The following NUDCD1 variants were observed in gnomAD, a reference collection of about 807,000 sequenced individuals.
NUDCD1 encodes the protein NudC domain containing 1.
In NUDCD1, 60 loss-of-function variants were observed where a neutral mutation model predicts 67.8. That is an observed-to-expected ratio of 0.88 (90% confidence interval 0.72 to 1.10). The LOEUF is 1.10. Among genes scored for constraint, NUDCD1 ranks in the 50% least tolerant of loss-of-function variants. The pLI, the probability that NUDCD1 is intolerant of heterozygous loss-of-function variation, is 0.00. For missense variants in NUDCD1, 643 were observed against 695.0 expected, an observed-to-expected ratio of 0.93 and a Z score of 0.84; for synonymous variants, 244 against 230.8, an observed-to-expected ratio of 1.06 and a Z score of -0.52.
At chr8:109,272,005 A>G (rs1352518034) in intron 7 of NUDCD1, among the ~76,000 whole-genome samples, 1 of 151,516 alleles carries the variant, frequency 6.6e-6, no homozygotes, top group African/African-American at 2.4e-5. Flanking sequence ...AAGCTGAGAG[A>G]ATTTATCACC....
intron 9 of NUDCD1, among the ~76,000 whole-genome samples, chr8:109,243,906 C>A (rs962148960): frequency 5.3e-5 from 8 of 151,948 alleles, no homozygotes; most frequent in African/African-American, 1.9e-4. Context: ...ATGTTGATCA[C>A]TATAACTTCA....
chr8:109,246,145 T>G (rs1813490755), intron 8 of NUDCD1, among the ~76,000 whole-genome samples: 1 of 152,184 alleles, frequency 6.6e-6, no homozygotes, highest in Non-Finnish European at 1.5e-5. Context: ...TGGTCCCTGG[T>G]GCCAAAAAGG....
chr8:109,309,859 T>A (rs1003046353), intron 2 of NUDCD1, among the ~76,000 whole-genome samples: 1 of 147,936 alleles, frequency 6.8e-6, no homozygotes, highest in Non-Finnish European at 1.5e-5. Flanking sequence ...CCTTTTACAA[T>A]AGCTGCCAAA....
rs746955509 is a variant in NUDCD1 at position 109,322,365 on chromosome 8, C to T, written c.217G>A (p.Asp73Asn). 3.2e-6 allele frequency: 5 copies of T among 1,585,284 alleles called. No individual in the cohort carries two copies. The highest frequency in any genetic ancestry group is 2.2e-5 in the East Asian group (1 of 44,676). Residue 73 changes from aspartate (D) to asparagine (N), a missense_variant, in exon 2 of 10, where the codon GAC (aspartate) becomes AAC (asparagine). Transcript: ENST00000239690. ...AGGGTATCAATATAGTAGACACTGTCTTGATACCATGAATCACAGTGCAGG... is the reference window on the plus strand; with the variant it reads ...AGGGTATCAATATAGTAGACACTGTTTTGATACCATGAATCACAGTGCAGG... Reference protein sequence around the residue: ...NYLHCDSWYQDSVYYIDTLGR... With the variant: ...NYLHCDSWYQNSVYYIDTLGR...
At chr8:109,278,573 C>G (rs1195918771) in intron 6 of NUDCD1, among the ~76,000 whole-genome samples, 2 of 152,128 alleles carry the variant, frequency 1.3e-5, no homozygotes, top group Non-Finnish European at 2.9e-5. Context: ...CTCCCTACAC[C>G]CTAGAGATAA....
At position 109,292,172 on chromosome 8, in the gene NUDCD1, C is replaced by G. The variant is rs572391047; in HGVS notation, c.640+1172G>C. ...AGTATGATTGGAACACAACTATACT[C>G]ATTCATTTATATATTGTCTATGGAT... On this transcript the variant is annotated intron_variant, in intron 4 of 9. Transcript: ENST00000239690. 2.0e-5 allele frequency among the ~76,000 whole-genome samples: 3 copies of G among 152,138 alleles called. No individual in the cohort carries two copies. The South Asian group carries it at 6.2e-4, about 32-fold the overall frequency.
chr8:109,243,965 T>C (rs1330153272), intron 9 of NUDCD1, among the ~76,000 whole-genome samples: 1 of 152,162 alleles, frequency 6.6e-6, no homozygotes, highest in East Asian at 1.9e-4. Flanking sequence ...TCTTAATTCA[T>C]GTACATGTTT....
chr8:109,243,366 T>G (rs1813420692), intron 9 of NUDCD1, 65 bp from the exon 10 acceptor site: 29 of 1,234,180 alleles, frequency 2.3e-5, no homozygotes, highest in Non-Finnish European at 3.2e-5. Flanking sequence ...AAAATGATGA[T>G]TTAACATTTA....
In NUDCD1 at chr8:109,243,100, T is replaced by C. The variant is rs768889741; in HGVS notation, c.1661A>G (p.Asp554Gly). The C allele has an allele frequency of 6.8e-6, 11 of 1,613,678 alleles. No homozygotes were observed. The highest frequency in any genetic ancestry group is 9.3e-6 in the Non-Finnish European group (11 of 1,179,660). Residue 554 changes from aspartate (D) to glycine (G), a missense_variant, in exon 10 of 10, where the codon GAT becomes GGT. Asp to Gly is a moderately conservative substitution (Grantham distance 94). Coordinates refer to ENST00000239690, the MANE Select transcript of NUDCD1 (RefSeq NM_032869.4). Reference sequence around the variant, plus strand: ...TGTTGCCTGAAATCCTAAAATAGGATCATTGGTTTCTAGGCTTGCTACTTG... The same window carrying C: ...TGTTGCCTGAAATCCTAAAATAGGACCATTGGTTTCTAGGCTTGCTACTTG... Reference protein sequence around the residue: ...KQQVASLETNDPILGFQATNE... With the variant: ...KQQVASLETNGPILGFQATNE...
chr8:109,250,698 A>G lies in NUDCD1; in HGVS notation c.1300-5217T>C, dbSNP rs148909424. Among the ~76,000 whole-genome samples the G allele has an allele frequency of 1.0e-3, 157 of 151,706 alleles. 1 individual carries two copies. The highest frequency in any genetic ancestry group is 3.5e-3 in the African/African-American group (146 of 41,370). ...TCAACGAATGGTATTTTTTTTTCATATTCTTTTTCTGCAACTACTAGGATG... is the reference window on the plus strand; with the variant it reads ...TCAACGAATGGTATTTTTTTTTCATGTTCTTTTTCTGCAACTACTAGGATG... On this transcript the variant is annotated intron_variant, in intron 8 of 9. Transcript: ENST00000239690.
chr8:109,285,294 C>T (rs1340571182), intron 5 of NUDCD1, among the ~76,000 whole-genome samples: 2 of 152,090 alleles, frequency 1.3e-5, no homozygotes, highest in African/African-American at 4.8e-5. Context: ...GAAGGAGGAA[C>T]TCCCTCCCTA....
chr8:109,296,434 A>G lies in NUDCD1; in HGVS notation c.409T>C (p.Tyr137His). The G allele has an allele frequency of 6.2e-7, 1 of 1,613,698 alleles. No homozygotes were observed. Among genetic ancestry groups the G allele is most frequent in the Non-Finnish European group, 8.5e-7 (1 of 1,179,720 alleles). Residue 137 changes from tyrosine to histidine, a missense_variant, in exon 3 of 10, where the codon TAT becomes CAT. Physicochemically the swap from Tyr to His is moderately conservative, Grantham distance 83. Coordinates refer to ENST00000239690, the MANE Select transcript of NUDCD1 (RefSeq NM_032869.4). ...CCACGTTCACCTGTTCCAATGACATACAATCTTCCAGTTCCATCTGACAAG... is the reference window on the plus strand; with the variant it reads ...CCACGTTCACCTGTTCCAATGACATGCAATCTTCCAGTTCCATCTGACAAG... ...VTLSDGTGRL[Y>H]VIGTGERGNS...
chr8:109,252,399 T>C (rs1050630955), intron 8 of NUDCD1, among the ~76,000 whole-genome samples: 1 of 152,064 alleles, frequency 6.6e-6, no homozygotes, highest in Non-Finnish European at 1.5e-5. Flanking sequence ...TTCTGAACCC[T>C]TGGCAAGCTA....
At chr8:109,243,328 G>A (rs1270020687) in intron 9 of NUDCD1, 27 bp from the exon 10 acceptor site, 2 of 1,513,980 alleles carry the variant, frequency 1.3e-6, no homozygotes, top group Non-Finnish European at 8.9e-7. Context: ...ACAAACAAAA[G>A]AAAAACTATA....
chr8:109,331,115 G>A (rs762273632), intron 1 of NUDCD1, among the ~76,000 whole-genome samples: 9 of 152,120 alleles, frequency 5.9e-5, no homozygotes, highest in Non-Finnish European at 7.4e-5. Flanking sequence ...GGCCGAGGCA[G>A]GTGGATCGCG....
chr8:109,261,276 G>A (rs1427727009), intron 8 of NUDCD1, among the ~76,000 whole-genome samples: 2 of 152,012 alleles, frequency 1.3e-5, no homozygotes, highest in Non-Finnish European at 1.5e-5. Context: ...ATTACACAAG[G>A]ACTACAAGGT....
At chr8:109,283,401 C>A (rs375833827) in intron 5 of NUDCD1, among the ~76,000 whole-genome samples, 59 of 152,140 alleles carry the variant, frequency 3.9e-4, no homozygotes, top group African/African-American at 9.4e-4. Flanking sequence ...TTCCCTAATC[C>A]TGCTAGAGAG....
chr8:109,245,772 C>T (rs146565102), intron 8 of NUDCD1, among the ~76,000 whole-genome samples: 113 of 152,282 alleles, frequency 7.4e-4, no homozygotes, highest in Non-Finnish European at 1.3e-3. Context: ...TTAATCACCA[C>T]GTGATATACC....
chr8:109,297,755 A>G (rs1814878720), intron 2 of NUDCD1, among the ~76,000 whole-genome samples: 1 of 152,218 alleles, frequency 6.6e-6, no homozygotes, highest in African/African-American at 2.4e-5. Flanking sequence ...GGACTACAAC[A>G]GTTACATCAT....
Sources: gnomAD v4.1 joint callset for allele counts (sites outside exome capture counted in the v4.1 genomes callset) on GRCh38, gnomAD v4.1.1 for gene constraint, MANE v1.5 for transcripts, NCBI Gene and HGNC (gene_info 2026-07-23, HGNC 2026-07-21) for gene names.